RBM26: variants seen among roughly 807,000 people sequenced by gnomAD.
RBM26 encodes RNA-binding protein 26.
RBM26 carries 30 observed loss-of-function variants against 123.6 expected under a neutral mutation model. The observed-to-expected ratio is 0.24, with a 90% confidence interval of 0.18 to 0.33. The LOEUF is 0.33. Ranked by LOEUF, RBM26 falls within the 10% of genes least tolerant of loss-of-function variation. The probability of loss-of-function intolerance (pLI) is 1.00; values close to 1 mark genes in which losing one functional copy is unlikely to be tolerated. For synonymous variants in RBM26, 400 were observed against 404.4 expected (o/e 0.99, Z 0.13); for missense variants, 947 against 1,203.6 (o/e 0.79, Z 3.15).
At chr13:79,392,595 A>G (rs1472828172) in intron 1 of RBM26, among the ~76,000 whole-genome samples, 6 of 147,174 alleles carry the variant, frequency 4.1e-5, no homozygotes, top group Admixed American at 2.7e-4. Context: ...ATATATATTT[A>G]TATATATAAA....
intron 16 of RBM26, 96 bp downstream of exon 16, chr13:79,344,151 AT>A: frequency 1.2e-6 from 1 of 809,700 alleles, no homozygotes; most frequent in Non-Finnish European, 2.2e-6. Flanking sequence ...ACCATTACCA[AT>A]TATAGTAAAT....
At chr13:79,336,627 T>C (rs4110944) in intron 19 of RBM26, among the ~76,000 whole-genome samples, 2 of 152,246 alleles carry the variant, frequency 1.3e-5, no homozygotes, top group East Asian at 1.9e-4. Context: ...ATTACCATTA[T>C]ACAAAGTCTT....
At chr13:79,355,130 G>C (rs1450600955) in intron 12 of RBM26, 90 bp downstream of exon 12, 4 of 1,198,556 alleles carry the variant, frequency 3.3e-6, no homozygotes, top group Non-Finnish European at 4.8e-6. Context: ...ATGAACTCAG[G>C]CCTACTTGAT....
rs533973256 is a variant in RBM26 at position 79,320,646 on chromosome 13, T to C, written c.2999A>G (p.Asn1000Ser). ...TCATCTTCTCCAAGAACGAGATTCA[T>C]TGTCCTCTTCTTCTTCATCATCATC... ...LQDDDEEEEDNESRSWRR is the reference protein window; with the variant it reads ...LQDDDEEEEDSESRSWRR The change falls in exon 22 of 22, where the codon AAT becomes AGT. Residue 1000 changes from asparagine (N) to serine (S), a missense_variant. Around this residue, in one of 5 missense-constraint regions of RBM26, gnomAD observed 164 missense variants for 215.3 expected, o/e 0.76. Coordinates refer to ENST00000438737, the MANE Select transcript of RBM26 (RefSeq NM_001366735.2). 1.9e-6 allele frequency: 3 copies of C among 1,598,782 alleles called. No individual in the cohort carries two copies. Among genetic ancestry groups the C allele is most frequent in the African/African-American group, 2.7e-5 (2 of 74,034 alleles).
rs185263300 is a variant in RBM26 at position 79,377,348 on chromosome 13, T to C, written c.327+31A>G. ...TGGTTATTCCTCTTATGTGTTTAAA[T>C]AACCTGTAAGGTATTAACACAAATC... On this transcript the variant is annotated intron_variant, in intron 3 of 21. Transcript: ENST00000438737. 1.9e-5 allele frequency: 30 copies of C among 1,592,960 alleles called. No homozygotes were observed. In the Admixed American group the frequency reaches 3.7e-4, roughly 20 times the overall value.
At position 79,336,206 on chromosome 13, in the gene RBM26, A is replaced by C. The variant is rs2070364457; in HGVS notation, c.2733+896T>G. On this transcript the variant is annotated intron_variant, in intron 19 of 21. Transcript: ENST00000438737. ...TTAAGATCTAAATTACAGTTTTACT[A>C]CTTTATGAAACTTTCCTCTATTGTT... Among the ~76,000 whole-genome samples the C allele has an allele frequency of 1.3e-5, 2 of 152,188 alleles. 1 individual carries two copies. The highest frequency in any genetic ancestry group is 4.1e-4 in the South Asian group (2 of 4,834).
intron 20 of RBM26, among the ~76,000 whole-genome samples, chr13:79,331,139 C>A (rs2069254746): frequency 6.6e-6 from 1 of 152,046 alleles, no homozygotes; most frequent in African/African-American, 2.4e-5. Context: ...GCCTCGCAAA[C>A]AGCTGGGACT....
chr13:79,380,068 G>GTAT (rs1179620437), intron 1 of RBM26, among the ~76,000 whole-genome samples: 1 of 152,162 alleles, frequency 6.6e-6, no homozygotes, highest in Admixed American at 6.5e-5. Flanking sequence ...TACTCTGGTA[G>GTAT]TATCAAGGTC....
At chr13:79,354,614 A>G in intron 12 of RBM26, 44 bp from the exon 13 acceptor site, 1 of 1,513,632 alleles carries the variant, frequency 6.6e-7, no homozygotes. Flanking sequence ...TTCATTCAAA[A>G]GGATGGAAAG....
chr13:79,404,033 CAAT>C lies in RBM26; in HGVS notation c.71+1668_71+1670del, dbSNP rs1448512740. On this transcript the variant is annotated intron_variant, in intron 1 of 21. Coordinates refer to ENST00000438737, the MANE Select transcript of RBM26 (RefSeq NM_001366735.2). Reference sequence around the variant, plus strand: ...CACACTTTTTCTATGAAATTTCCCACAATGTCATCGTCTTAAATACTATCTGCA... The same window carrying C: ...CACACTTTTTCTATGAAATTTCCCACGTCATCGTCTTAAATACTATCTGCA... 2.0e-5 allele frequency among the ~76,000 whole-genome samples: 3 copies of C among 152,284 alleles called. No individual in the cohort carries two copies. The East Asian group carries it at 5.8e-4, about 29-fold the overall frequency.
In RBM26 at chr13:79,341,107, T is replaced by C. The variant is rs779558880; in HGVS notation, c.2532+16A>G. The C allele has an allele frequency of 2.4e-5, 35 of 1,480,720 alleles. No homozygotes were observed. Among genetic ancestry groups the C allele is most frequent in the African/African-American group, 2.8e-5 (2 of 72,088 alleles). 91.7% of individuals were successfully genotyped at this position (1,480,720 alleles called of 1,614,324 possible). On this transcript the variant is annotated intron_variant, in intron 18 of 21. Transcript: ENST00000438737. ...TGCTTCTTTTAAGCCTACTGTGTAG[T>C]TGTGATTAAACATACTTCCAGCTGT... is the stretch of plus-strand genomic sequence containing the variant.
At chr13:79,383,204 T>C (rs982070423) in intron 1 of RBM26, among the ~76,000 whole-genome samples, 3 of 152,258 alleles carry the variant, frequency 2.0e-5, no homozygotes, top group African/African-American at 7.2e-5. Flanking sequence ...AAATAAGCAC[T>C]GGACTGGATA....
chr13:79,401,633 T>C (rs187103749), intron 1 of RBM26, among the ~76,000 whole-genome samples: 4 of 152,270 alleles, frequency 2.6e-5, no homozygotes, highest in African/African-American at 7.2e-5. Flanking sequence ...GTAGCAACAG[T>C]AGTAATGTAG....
intron 21 of RBM26, 89 bp downstream of exon 21, chr13:79,322,260 T>C (rs2067763650): frequency 1.2e-6 from 1 of 811,510 alleles, no homozygotes. Context: ...ATAAAAGTTT[T>C]ATGTTAAAAT....
chr13:79,363,125 T>C (rs2074895980), intron 9 of RBM26, among the ~76,000 whole-genome samples: 1 of 152,130 alleles, frequency 6.6e-6, no homozygotes, highest in Admixed American at 6.6e-5. Flanking sequence ...TCTAGGTAAC[T>C]TTTACATTAG....
At chr13:79,345,104 T>C (rs2072090401) in intron 14 of RBM26, among the ~76,000 whole-genome samples, 1 of 152,200 alleles carries the variant, frequency 6.6e-6, no homozygotes. Context: ...AGTTGTTGAA[T>C]ACATTTACTA....
intron 1 of RBM26, among the ~76,000 whole-genome samples, chr13:79,403,948 T>A (rs1180137702): frequency 6.6e-6 from 1 of 152,222 alleles, no homozygotes; most frequent in Non-Finnish European, 1.5e-5. Context: ...TGTTTTTTAA[T>A]GACATAAAGC....
chr13:79,332,982 C>T (rs1227015123), intron 20 of RBM26, among the ~76,000 whole-genome samples: 1 of 152,016 alleles, frequency 6.6e-6, no homozygotes, highest in Non-Finnish European at 1.5e-5. Context: ...ACAGTAACAA[C>T]TATCATTATT....
chr13:79,394,022 TA>T (rs1388545899), intron 1 of RBM26, among the ~76,000 whole-genome samples: 1 of 152,224 alleles, frequency 6.6e-6, no homozygotes, highest in Non-Finnish European at 1.5e-5. Context: ...ACACACTTCC[TA>T]TTATTTGTGC....
Sources: allele counts gnomAD v4.1 joint callset (sites outside exome capture counted in the v4.1 genomes callset), GRCh38; gene constraint gnomAD v4.1.1; regional missense constraint gnomAD v4.1.1; transcripts MANE v1.5; gene names NCBI Gene and HGNC (gene_info 2026-07-23, HGNC 2026-07-21).